NHSL2: variants seen among roughly 807,000 people sequenced by gnomAD.
NHSL2 encodes the protein NHS-like protein 2.
A neutral mutation model predicts 53.4 loss-of-function variants in NHSL2; 27 were observed. The observed-to-expected ratio is 0.51, with a 90% CI of 0.37 to 0.70. The LOEUF (loss-of-function observed/expected upper bound fraction) is 0.70, where lower values mean the gene tolerates loss of function less well. Among genes scored for constraint, NHSL2 ranks in the 30% least tolerant of loss-of-function variants. NHSL2 has a pLI of 0.00. For synonymous variants in NHSL2, 408 were observed against 404.1 expected (o/e 1.01, Z -0.12); for missense variants, 892 against 980.1 (o/e 0.91, Z 1.20).
Position 72,152,354 on chromosome X carries a change from C to T in NHSL2, c.*8780C>T, listed in dbSNP as rs1247976803. On this transcript the variant is annotated 3_prime_UTR_variant, in exon 8 of 8. Transcript: ENST00000633930. ...CCATACATGCGTGTGTGCATGCGCG[C>T]GCGCACACACACACACACACACACA... The T allele has an allele frequency of 5.0e-4, 1 of 1,993 alleles. No individual in the cohort carries two copies. The highest frequency in any genetic ancestry group is 7.8e-4 in the African/African-American group (1 of 1,280). 0.2% of individuals were successfully genotyped at this position (1,993 alleles called of 1,213,427 possible).
chrX:72,005,788 A>G (rs140195922), intron 1 of NHSL2, among the ~76,000 whole-genome samples: 5 of 112,137 alleles, frequency 4.5e-5, no homozygotes, highest in African/African-American at 1.3e-4. Flanking sequence ...ACATGGTTCT[A>G]CCAGACTGGG....
chrX:72,139,643 A>G lies in NHSL2; in HGVS notation c.2095A>G (p.Ile699Val). The G allele has an allele frequency of 1.7e-6, 2 of 1,210,885 alleles. No individual in the cohort carries two copies. Among genetic ancestry groups the G allele is most frequent in the African/African-American group, 1.7e-5 (1 of 57,639 alleles). The stretch of plus-strand genomic sequence containing the variant: ...CTCCATTGAAGTGGAGGCCAGGGAG[A>G]TATCATCCCCGGGAAGGCCCCCTGG... Reference protein sequence around the residue: ...QLSIEVEAREISSPGRPPGLM... With the variant: ...QLSIEVEAREVSSPGRPPGLM... Residue 699 changes from isoleucine (I) to valine (V), a missense_variant, in exon 6 of 8, where the codon ATA becomes GTA. Physicochemically the swap from Ile to Val is conservative, Grantham distance 29. Transcript: ENST00000633930.
At chrX:72,044,170 G>T (rs1402425477) in intron 1 of NHSL2, among the ~76,000 whole-genome samples, 1 of 111,926 alleles carries the variant, frequency 8.9e-6, no homozygotes, top group African/African-American at 3.3e-5. Context: ...AGGATTACTG[G>T]CACAGTGGGC....
chrX:72,113,545 C>G (rs1052361022), intron 1 of NHSL2, among the ~76,000 whole-genome samples: 1 of 111,898 alleles, frequency 8.9e-6, no homozygotes, highest in African/African-American at 3.3e-5. Context: ...ACCACAACGT[C>G]TTGCAAAAAG....
At chrX:72,026,716 T>C (rs1306099354) in intron 1 of NHSL2, among the ~76,000 whole-genome samples, 3 of 112,466 alleles carry the variant, frequency 2.7e-5, no homozygotes, top group African/African-American at 9.7e-5. Flanking sequence ...TGATAAGTTG[T>C]TAACACCTTG....
chrX:72,140,059 C>T lies in NHSL2; in HGVS notation c.2511C>T (p.Ser837=). The change falls in exon 6 of 8, where the codon AGC becomes AGT. Residue 837 remains serine (S), a synonymous_variant. Transcript: ENST00000633930. The part of the protein sequence containing the change: ...DLRSVRLRSV[S]KSEPEDDIES... ...GTTCTGTTCGCCTGAGGTCGGTCAG[C>T]AAGTCTGAGCCGGAAGATGATATTG... is the stretch of plus-strand genomic sequence containing the variant. 1 of 1,209,150 alleles carries T rather than the reference C, an allele frequency of 8.3e-7. No individual in the cohort carries two copies. The highest frequency in any genetic ancestry group is 3.0e-5 in the East Asian group (1 of 33,802).
chrX:71,920,206 G>A (rs1228051655), intron 1 of NHSL2, among the ~76,000 whole-genome samples: 1 of 112,007 alleles, frequency 8.9e-6, no homozygotes, highest in East Asian at 2.8e-4. Context: ...AGGCAATCCA[G>A]CCATCTCCCT....
chrX:72,080,571 CGT>C (rs10580313), intron 1 of NHSL2, among the ~76,000 whole-genome samples: 47,220 of 96,740 alleles, frequency 0.49, 9,379 homozygotes, highest in Middle Eastern at 0.63. Flanking sequence ...GAATTCTGCA[CGT>C]GTGTGTGTGT....
chrX:71,919,188 G>A (rs2041644097), intron 1 of NHSL2, among the ~76,000 whole-genome samples: 1 of 111,947 alleles, frequency 8.9e-6, no homozygotes, highest in Non-Finnish European at 1.9e-5. Context: ...AAAGACAATG[G>A]ATGACATGTT....
chrX:72,111,721 T>C (rs1864743379), intron 1 of NHSL2, among the ~76,000 whole-genome samples: 1 of 110,534 alleles, frequency 9.0e-6, no homozygotes, highest in African/African-American at 3.3e-5. Flanking sequence ...GAAGCAGGAG[T>C]GGATACTTGC....
intron 1 of NHSL2, among the ~76,000 whole-genome samples, chrX:72,102,987 C>T (rs560005605): frequency 1.9e-4 from 21 of 112,445 alleles, no homozygotes; most frequent in African/African-American, 5.8e-4. Context: ...AGTACCCACT[C>T]CCTAGCTCCA....
At chrX:71,951,997 G>A (rs767723751) in intron 1 of NHSL2, among the ~76,000 whole-genome samples, 1 of 112,166 alleles carries the variant, frequency 8.9e-6, no homozygotes, top group East Asian at 2.8e-4. Flanking sequence ...TGGAGAAGAG[G>A]GGAAAAGGAA....
chrX:71,912,222 GT>G (rs1257540654), intron 1 of NHSL2, among the ~76,000 whole-genome samples: 1 of 112,470 alleles, frequency 8.9e-6, no homozygotes, highest in Non-Finnish European at 1.9e-5. Context: ...GTCCTTTACT[GT>G]TTTGGATCCC....
At chrX:71,939,100 G>A (rs1283135781) in intron 1 of NHSL2, among the ~76,000 whole-genome samples, 3 of 112,136 alleles carry the variant, frequency 2.7e-5, no homozygotes, top group Admixed American at 1.9e-4. Flanking sequence ...CAGCCTCCTA[G>A]AGGAATAGTC....
intron 1 of NHSL2, among the ~76,000 whole-genome samples, chrX:71,992,627 G>C (rs2042032375): frequency 8.9e-6 from 1 of 112,610 alleles, no homozygotes; most frequent in African/African-American, 3.2e-5. Context: ...AAGCCCTGGA[G>C]AAGCAATTTT....
chrX:72,073,070 A>G (rs1204060753), intron 1 of NHSL2, among the ~76,000 whole-genome samples: 5 of 112,311 alleles, frequency 4.5e-5, no homozygotes, highest in Non-Finnish European at 9.4e-5. Flanking sequence ...ATAGCTAGGA[A>G]AGCTTTTGAA....
intron 1 of NHSL2, among the ~76,000 whole-genome samples, chrX:71,957,989 G>C (rs1162288204): frequency 9.0e-6 from 1 of 110,520 alleles, no homozygotes; most frequent in Middle Eastern, 4.2e-3. Context: ...TGGCAATGGT[G>C]GGGGGAAGGG....
chrX:72,098,327 T>C (rs1296900833), intron 1 of NHSL2, among the ~76,000 whole-genome samples: 1 of 112,084 alleles, frequency 8.9e-6, no homozygotes, highest in Non-Finnish European at 1.9e-5. Context: ...ACGCCTGTAA[T>C]CCCAGCACTT....
Position 71,937,474 on chromosome X carries a change from A to G in NHSL2, c.280+26107A>G, listed in dbSNP as rs1369205811. The stretch of plus-strand genomic sequence containing the variant: ...TGTGCATTTCAGAATTGCTGTTTGC[A>G]TCCAGATAATCATCACGTTTGTAGC... On this transcript the variant is annotated intron_variant, in intron 1 of 7. Coordinates refer to ENST00000633930, the MANE Select transcript of NHSL2 (RefSeq NM_001013627.3). 2.7e-5 allele frequency among the ~76,000 whole-genome samples: 3 copies of G among 111,873 alleles called. No individual in the cohort carries two copies. The East Asian group carries it at 8.4e-4, about 31-fold the overall frequency.
Sources: allele counts gnomAD v4.1 joint callset (sites outside exome capture counted in the v4.1 genomes callset), GRCh38; gene constraint gnomAD v4.1.1; transcripts MANE v1.5; gene names NCBI Gene and HGNC (gene_info 2026-07-23, HGNC 2026-07-21).